Variants in CADM2 observed in about 807,000 individuals in gnomAD.
The protein encoded by CADM2 is cell adhesion molecule 2, also known as immunoglobulin superfamily member 4D.
A neutral mutation model predicts 49.8 loss-of-function variants in CADM2; 12 were observed. The ratio of observed to expected loss-of-function variants is 0.24; its 90% CI spans 0.15 to 0.39. The LOEUF (loss-of-function observed/expected upper bound fraction) is 0.39, where lower values mean the gene tolerates loss of function less well. Among genes scored for constraint, CADM2 ranks in the 10% least tolerant of loss-of-function variants. The pLI, the probability that CADM2 is intolerant of heterozygous loss-of-function variation, is 1.00. For synonymous variants in CADM2, 214 were observed against 175.4 expected, an observed-to-expected ratio of 1.22 and a Z score of -1.74; for missense variants, 378 against 492.3, an observed-to-expected ratio of 0.77 and a Z score of 2.20.
At chr3:85,671,339 A>G (rs1363787847) in intron 1 of CADM2, among the ~76,000 whole-genome samples, 2 of 152,210 alleles carry the variant, frequency 1.3e-5, no homozygotes, top group African/African-American at 4.8e-5. Context: ...AATAGGCTGT[A>G]TGATATTTCT....
At chr3:85,057,529 AT>A (rs2036130187) in intron 1 of CADM2, among the ~76,000 whole-genome samples, 1 of 152,120 alleles carries the variant, frequency 6.6e-6, no homozygotes, top group South Asian at 2.1e-4. Flanking sequence ...GTTAGTTACT[AT>A]TTAAATATAG....
intron 1 of CADM2, among the ~76,000 whole-genome samples, chr3:85,477,743 A>G (rs1018184778): frequency 1.5e-4 from 23 of 151,904 alleles, no homozygotes; most frequent in Non-Finnish European, 2.8e-4. Context: ...TTTTCCTCTC[A>G]CCTTCTGTAG....
At chr3:85,209,315 T>G (rs569922316) in intron 1 of CADM2, among the ~76,000 whole-genome samples, 1 of 152,224 alleles carries the variant, frequency 6.6e-6, no homozygotes, top group Non-Finnish European at 1.5e-5. Flanking sequence ...TGCTAAGTGC[T>G]TTGTGTGCAT....
At chr3:85,297,818 C>A (rs551143180) in intron 1 of CADM2, among the ~76,000 whole-genome samples, 1 of 152,098 alleles carries the variant, frequency 6.6e-6, no homozygotes, top group South Asian at 2.1e-4. Context: ...AACGATTTTT[C>A]CCAAATGGAA....
chr3:85,352,518 C>A (rs1286187242), intron 1 of CADM2, among the ~76,000 whole-genome samples: 1 of 152,080 alleles, frequency 6.6e-6, no homozygotes, highest in African/African-American at 2.4e-5. Context: ...TTAAAATGTA[C>A]CTTCACGGCT....
intron 1 of CADM2, among the ~76,000 whole-genome samples, chr3:85,648,467 AAAT>A (rs1478474589): frequency 8.5e-5 from 13 of 152,100 alleles, no homozygotes; most frequent in Admixed American, 7.9e-4. Context: ...AGGAAATGAG[AAAT>A]AATAGTATTA....
intron 1 of CADM2, among the ~76,000 whole-genome samples, chr3:85,078,346 C>A (rs2037029473): frequency 6.6e-6 from 1 of 151,962 alleles, no homozygotes; most frequent in African/African-American, 2.4e-5. Flanking sequence ...TATAAATAAA[C>A]TGTTCCTGCT....
intron 8 of CADM2, among the ~76,000 whole-genome samples, chr3:86,017,230 A>G (rs1039642265): frequency 4.0e-5 from 6 of 150,522 alleles, no homozygotes; most frequent in Non-Finnish European, 5.9e-5. Flanking sequence ...ATATGTTACA[A>G]TAACATAAGT....
intron 1 of CADM2, among the ~76,000 whole-genome samples, chr3:85,448,360 A>G (rs915537761): frequency 6.6e-6 from 1 of 151,468 alleles, no homozygotes; most frequent in African/African-American, 2.4e-5. Context: ...AAAAAATCCT[A>G]GCAAATATAT....
intron 3 of CADM2, among the ~76,000 whole-genome samples, chr3:85,841,432 T>A (rs889744527): frequency 6.6e-6 from 1 of 152,018 alleles, no homozygotes; most frequent in African/African-American, 2.4e-5. Flanking sequence ...CTTTCTGATA[T>A]TACTTTCATT....
chr3:85,942,682 G>T (rs1432148653), intron 7 of CADM2, among the ~76,000 whole-genome samples: 2 of 151,752 alleles, frequency 1.3e-5, no homozygotes, highest in African/African-American at 2.4e-5. Flanking sequence ...TTTTATGGCT[G>T]CATAGTATTC....
At chr3:85,390,948 G>A (rs1472465019) in intron 1 of CADM2, among the ~76,000 whole-genome samples, 1 of 152,054 alleles carries the variant, frequency 6.6e-6, no homozygotes, top group African/African-American at 2.4e-5. Context: ...TAGGAAGAAG[G>A]TGAAGAAAGA....
chr3:85,305,202 T>A (rs1383996050), intron 1 of CADM2, among the ~76,000 whole-genome samples: 1 of 151,602 alleles, frequency 6.6e-6, no homozygotes, highest in Non-Finnish European at 1.5e-5. Flanking sequence ...AGCAAGACAT[T>A]TAATGAATTT....
intron 1 of CADM2, among the ~76,000 whole-genome samples, chr3:85,689,214 A>G (rs182508029): frequency 1.7e-3 from 266 of 152,318 alleles, no homozygotes; most frequent in African/African-American, 5.9e-3. Context: ...TGCAAACTAA[A>G]CTGTAATGAC....
chr3:85,323,954 GAATC>G (rs1171204389), intron 1 of CADM2, among the ~76,000 whole-genome samples: 2 of 152,114 alleles, frequency 1.3e-5, no homozygotes, highest in African/African-American at 4.8e-5. Context: ...GGCACCTTAC[GAATC>G]AATTAAGCAA....
chr3:85,509,715 A>G (rs1345829947), intron 1 of CADM2, among the ~76,000 whole-genome samples: 2 of 152,142 alleles, frequency 1.3e-5, no homozygotes, highest in African/African-American at 4.8e-5. Flanking sequence ...AGTTATATCA[A>G]AAATGAATTA....
At chr3:85,778,926 A>T (rs761813822) in intron 2 of CADM2, among the ~76,000 whole-genome samples, 1 of 152,212 alleles carries the variant, frequency 6.6e-6, no homozygotes, top group African/African-American at 2.4e-5. Flanking sequence ...ACACACAAAG[A>T]TCTATTGGAC....
chr3:85,509,215 G>A (rs997682435), intron 1 of CADM2, among the ~76,000 whole-genome samples: 5 of 152,076 alleles, frequency 3.3e-5, no homozygotes, highest in African/African-American at 7.2e-5. Flanking sequence ...GCTATATCCA[G>A]CATCCAAAAG....
chr3:85,514,766 A>G (rs187986633), intron 1 of CADM2, among the ~76,000 whole-genome samples: 300 of 152,176 alleles, frequency 2.0e-3, no homozygotes, highest in Middle Eastern at 6.8e-3. Flanking sequence ...CATTACCTAT[A>G]ATATCTTACT....
Sources: allele counts gnomAD v4.1 joint callset (sites outside exome capture counted in the v4.1 genomes callset), GRCh38; gene constraint gnomAD v4.1.1; transcripts MANE v1.5; gene names NCBI Gene and HGNC (gene_info 2026-07-23, HGNC 2026-07-21).